The following OSBPL8 variants were observed in gnomAD, a reference collection of about 807,000 sequenced individuals.
OSBPL8 encodes oxysterol binding protein like 8, also known as oxysterol-binding protein-related protein 8.
A neutral mutation model predicts 125.5 loss-of-function variants in OSBPL8; 59 were observed. That is an observed-to-expected ratio of 0.47 (90% CI 0.38 to 0.58). The LOEUF (loss-of-function observed/expected upper bound fraction) is 0.58. Among genes scored for constraint, OSBPL8 ranks in the 20% least tolerant of loss-of-function variants. The probability of loss-of-function intolerance (pLI) is 0.00; values close to 1 mark genes in which losing one functional copy is unlikely to be tolerated. For missense variants in OSBPL8, 758 were observed against 1,047.8 expected, an observed-to-expected ratio of 0.72 and a Z score of 3.82; for synonymous variants, 330 against 338.9, an observed-to-expected ratio of 0.97 and a Z score of 0.29.
At position 76,369,676 on chromosome 12, in the gene OSBPL8, A is replaced by AGTT. The variant is rs1324862242; in HGVS notation, c.2198_2200dup (p.Glu733_Leu734insGln). On this transcript the variant is annotated inframe_insertion, in exon 20 of 24. Coordinates refer to ENST00000261183, the MANE Select transcript of OSBPL8 (RefSeq NM_020841.5). The stretch of plus-strand genomic sequence containing the variant: ...ATGCCATTCTCCTGTGAGTGGATCA[A>AGTT]GTTCAAATAATTTGCAAGACCACTC... The AGTT allele has an allele frequency of 6.2e-6, 10 of 1,613,676 alleles. No individual in the cohort carries two copies. The highest frequency in any genetic ancestry group is 8.5e-6 in the Non-Finnish European group (10 of 1,179,740).
chr12:76,369,452 ATTTTATAGGCTAAC>A, intron 20 of OSBPL8, 151 bp from the exon 21 acceptor site: 1 of 1,390,064 alleles, frequency 7.2e-7, no homozygotes, highest in East Asian at 2.5e-5. Flanking sequence ...TCCTCAACTT[ATTTTATAGGCTAAC>A]TTCTATCATA....
At chr12:76,506,565 CTATA>C (rs770182211) in intron 1 of OSBPL8, among the ~76,000 whole-genome samples, 16 of 152,132 alleles carry the variant, frequency 1.1e-4, no homozygotes, top group South Asian at 2.1e-4. Context: ...CAGAATTACT[CTATA>C]TATCTATGTA....
rs1387398944 is a variant in OSBPL8 at position 76,422,956 on chromosome 12, C to T, written c.218-12322G>A. ...TATCAAACCACCCTGCACTGAATTGCTGCTTTAGGAAAACAAAACAAGATC... is the reference window on the plus strand; with the variant it reads ...TATCAAACCACCCTGCACTGAATTGTTGCTTTAGGAAAACAAAACAAGATC... On this transcript the variant is annotated intron_variant, in intron 4 of 23. Coordinates refer to ENST00000261183, the MANE Select transcript of OSBPL8 (RefSeq NM_020841.5). 9 of 169,162 alleles carry T rather than the reference C, an allele frequency of 5.3e-5. No individual in the cohort carries two copies. In the East Asian group the frequency reaches 1.3e-3, roughly 24 times the overall value. 10.5% of individuals were successfully genotyped at this position (169,162 alleles called of 1,614,324 possible). A position where few individuals can be genotyped will look rare whatever the true frequency, so the allele number is the denominator to read the frequency against.
At chr12:76,543,016 G>A (rs17042345) in intron 1 of OSBPL8, among the ~76,000 whole-genome samples, 6,554 of 152,188 alleles carry the variant, frequency 0.043, 504 homozygotes, top group African/African-American at 0.15. Flanking sequence ...TCCCCGACTA[G>A]GTGTGCATAT....
At chr12:76,498,469 G>A (rs1879515776) in intron 1 of OSBPL8, among the ~76,000 whole-genome samples, 1 of 152,204 alleles carries the variant, frequency 6.6e-6, no homozygotes, top group Non-Finnish European at 1.5e-5. Flanking sequence ...GTTTGCATCT[G>A]TACTTTCACT....
At chr12:76,497,218 C>A (rs1879368467) in intron 1 of OSBPL8, among the ~76,000 whole-genome samples, 2 of 146,646 alleles carry the variant, frequency 1.4e-5, no homozygotes, top group Non-Finnish European at 1.5e-5. Flanking sequence ...TTGTAAAGGG[C>A]CACACAGCAA....
intron 17 of OSBPL8, among the ~76,000 whole-genome samples, chr12:76,374,629 T>G (rs1423179661): frequency 6.6e-6 from 1 of 152,152 alleles, no homozygotes; most frequent in Non-Finnish European, 1.5e-5. Flanking sequence ...GATTAGCAGT[T>G]CTAGTCCTTC....
chr12:76,422,563 A>T (rs1385024123), intron 4 of OSBPL8: 2 of 456,516 alleles, frequency 4.4e-6, no homozygotes, highest in African/African-American at 2.0e-5. Flanking sequence ...CATTCCGAAC[A>T]AGCTTTCGGC....
intron 6 of OSBPL8, among the ~76,000 whole-genome samples, chr12:76,401,984 CCAGAAAAGTTGCAT>C (rs1470320079): frequency 3.9e-5 from 6 of 152,076 alleles, no homozygotes; most frequent in Non-Finnish European, 7.4e-5. Context: ...AAATCTTCCA[CCAGAAAAGTTGCAT>C]TTAATGATAA....
chr12:76,381,953 T>C (rs568979373), intron 15 of OSBPL8, among the ~76,000 whole-genome samples: 168 of 152,272 alleles, frequency 1.1e-3, no homozygotes, highest in African/African-American at 3.8e-3. Context: ...CTGGCTAGTA[T>C]TGAACTCCTG....
intron 1 of OSBPL8, among the ~76,000 whole-genome samples, chr12:76,533,934 G>A (rs1950421231): frequency 6.6e-6 from 1 of 151,898 alleles, no homozygotes; most frequent in Non-Finnish European, 1.5e-5. Context: ...CGATTTAATC[G>A]GAAAGACCAA....
chr12:76,469,124 CT>C (rs1875815385), intron 2 of OSBPL8, among the ~76,000 whole-genome samples: 1 of 152,162 alleles, frequency 6.6e-6, no homozygotes, highest in African/African-American at 2.4e-5. Flanking sequence ...TTTCTCCTCC[CT>C]CTCTCTGCAT....
intron 9 of OSBPL8, among the ~76,000 whole-genome samples, chr12:76,393,725 A>AG (rs1463644161): frequency 6.9e-6 from 1 of 144,758 alleles, no homozygotes; most frequent in Non-Finnish European, 1.5e-5. Context: ...AAAAAAAAAA[A>AG]AAAAAAAAAA....
In OSBPL8 at chr12:76,433,694, G is replaced by T. The variant is rs545009910; in HGVS notation, c.217+17157C>A. ...ATTCCTTAAAAAATTACCAAAAAAGGCTGGGTGTGGTGGCTCACACCTGTA... is the reference window on the plus strand; with the variant it reads ...ATTCCTTAAAAAATTACCAAAAAAGTCTGGGTGTGGTGGCTCACACCTGTA... On this transcript the variant is annotated intron_variant, in intron 4 of 23. Coordinates refer to ENST00000261183, the MANE Select transcript of OSBPL8 (RefSeq NM_020841.5). Among the ~76,000 whole-genome samples, 8 of 152,066 alleles carry T rather than the reference G, an allele frequency of 5.3e-5. No homozygotes were observed. In the East Asian group the frequency reaches 1.4e-3, roughly 26 times the overall value.
intron 1 of OSBPL8, among the ~76,000 whole-genome samples, chr12:76,536,422 T>C (rs550430335): frequency 6.6e-6 from 1 of 152,206 alleles, no homozygotes; most frequent in East Asian, 1.9e-4. Context: ...TAATTAATTT[T>C]GTCTGTAAAA....
chr12:76,474,213 T>C (rs1435370802), intron 2 of OSBPL8, among the ~76,000 whole-genome samples: 1 of 152,140 alleles, frequency 6.6e-6, no homozygotes, highest in Non-Finnish European at 1.5e-5. Flanking sequence ...TTTTTAAGTA[T>C]TTTGATTTAA....
chr12:76,390,730 T>C (rs527276778), intron 10 of OSBPL8, 73 bp from the exon 11 acceptor site: 6 of 885,808 alleles, frequency 6.8e-6, no homozygotes, highest in African/African-American at 5.1e-5. Context: ...AATAATTATA[T>C]ACAACATTTA....
In OSBPL8 at chr12:76,399,128, G is replaced by GA. The variant is rs111535358; in HGVS notation, c.468+744dup. 5.9e-3 allele frequency among the ~76,000 whole-genome samples: 896 copies of GA among 152,270 alleles called. 4 individuals are homozygous for GA. Among genetic ancestry groups the GA allele is most frequent in the African/African-American group, 0.019 (798 of 41,542 alleles). ...AGAATTAGTTAACTGAATTGTCAGG[G>GA]AAACTATCACTAGACTCTCATTTTA... is the stretch of plus-strand genomic sequence containing the variant. On this transcript the variant is annotated intron_variant, in intron 7 of 23. Transcript: ENST00000261183.
At chr12:76,526,713 C>T (rs550893021) in intron 1 of OSBPL8, among the ~76,000 whole-genome samples, 11 of 126,180 alleles carry the variant, frequency 8.7e-5, no homozygotes, top group South Asian at 2.7e-4. Context: ...TGCAATGGTG[C>T]GATCTCGGCT....
Sources: allele counts gnomAD v4.1 joint callset (sites outside exome capture counted in the v4.1 genomes callset), GRCh38; gene constraint gnomAD v4.1.1; transcripts MANE v1.5; gene names NCBI Gene and HGNC (gene_info 2026-07-23, HGNC 2026-07-21).